COQ5: variants seen among roughly 807,000 people sequenced by gnomAD.
The protein encoded by COQ5 is 2-methoxy-6-polyprenyl-1,4-benzoquinol methylase, mitochondrial.
Under a neutral mutation model 40.5 loss-of-function variants are expected in COQ5, and 27 were observed. That is an observed-to-expected ratio of 0.67 (90% CI 0.49 to 0.92). The LOEUF is 0.92. Ranked by LOEUF, COQ5 falls within the 40% of genes least tolerant of loss-of-function variation. The pLI is 0.00. For missense variants in COQ5, 409 were observed against 406.4 expected, an observed-to-expected ratio of 1.01 and a Z score of -0.06; for synonymous variants, 141 against 150.0, an observed-to-expected ratio of 0.94 and a Z score of 0.44.
At chr12:120,504,152 G>A (rs1475516312) in intron 5 of COQ5, 71 bp from the exon 6 acceptor site, 3 of 968,326 alleles carry the variant, frequency 3.1e-6, no homozygotes, top group Admixed American at 1.7e-5. Flanking sequence ...TAAGAAGAAA[G>A]AAGGACTAAA....
chr12:120,511,982 C>A (rs1376675454), intron 3 of COQ5, among the ~76,000 whole-genome samples: 1 of 151,926 alleles, frequency 6.6e-6, no homozygotes, highest in African/African-American at 2.4e-5. Flanking sequence ...GAGGCCGAGG[C>A]GGGCAGATCA....
intron 1 of COQ5, among the ~76,000 whole-genome samples, chr12:120,524,427 A>AT (rs558341686): frequency 0.045 from 6,897 of 151,834 alleles, 263 homozygotes; most frequent in South Asian, 0.1. Flanking sequence ...CGCCCAGCTA[A>AT]TTTTTTGTAT....
At chr12:120,507,705 T>C (rs1053154576) in intron 4 of COQ5, among the ~76,000 whole-genome samples, 2 of 149,648 alleles carry the variant, frequency 1.3e-5, no homozygotes, top group Non-Finnish European at 3.0e-5. Context: ...CTGACCAACA[T>C]GGAGAAACTC....
intron 2 of COQ5, among the ~76,000 whole-genome samples, chr12:120,521,344 G>C (rs1869640335): frequency 6.6e-6 from 1 of 151,908 alleles, no homozygotes; most frequent in Non-Finnish European, 1.5e-5. Context: ...TGGGAGTACA[G>C]GTGTGAGCCG....
chr12:120,505,989 G>A (rs1868867628), intron 4 of COQ5, among the ~76,000 whole-genome samples: 2 of 151,554 alleles, frequency 1.3e-5, no homozygotes, highest in African/African-American at 2.4e-5. Context: ...CCAGGTAGCT[G>A]GGATTACAGG....
intron 1 of COQ5, chr12:120,527,326 C>T (rs1373948539): frequency 6.6e-6 from 1 of 152,082 alleles, no homozygotes. Flanking sequence ...CTTCAAGTGC[C>T]TACCTCGGCC....
chr12:120,504,400 TGATTTA>T (rs1453231773), intron 5 of COQ5, among the ~76,000 whole-genome samples: 1 of 146,426 alleles, frequency 6.8e-6, no homozygotes, highest in Non-Finnish European at 1.5e-5. Flanking sequence ...GAAAATTTCC[TGATTTA>T]AATTTTTTTT....
intron 1 of COQ5, among the ~76,000 whole-genome samples, chr12:120,525,031 G>A (rs1051132908): frequency 1.3e-5 from 2 of 150,852 alleles, no homozygotes; most frequent in Admixed American, 6.6e-5. Context: ...GGATAGTCTC[G>A]ATCTCCTAAC....
At chr12:120,522,018 C>T (rs148138778) in intron 2 of COQ5, among the ~76,000 whole-genome samples, 196 bp downstream of exon 2, 302 of 152,076 alleles carry the variant, frequency 2.0e-3, no homozygotes, top group Non-Finnish European at 3.1e-3. Context: ...AAGTGACAGG[C>T]ACAAAACTGT....
chr12:120,516,464 T>C, intron 3 of COQ5, 103 bp downstream of exon 3: 6 of 1,028,170 alleles, frequency 5.8e-6, no homozygotes, highest in Non-Finnish European at 9.2e-6. Flanking sequence ...CATCTATAAG[T>C]TTCTGAAAGC....
intron 5 of COQ5, 120 bp downstream of exon 5, chr12:120,504,775 G>A (rs1436640144): frequency 5.9e-6 from 5 of 849,488 alleles, no homozygotes; most frequent in Non-Finnish European, 9.9e-6. Context: ...AGAACTGGCT[G>A]ACCTCTGGTA....
At chr12:120,511,916 A>C (rs535215456) in intron 3 of COQ5, among the ~76,000 whole-genome samples, 16 of 152,346 alleles carry the variant, frequency 1.1e-4, no homozygotes, top group African/African-American at 3.6e-4. Context: ...AATAGCATAA[A>C]AAATAATGAT....
At chr12:120,504,764 C>T (rs1174386907) in intron 5 of COQ5, 131 bp downstream of exon 5, 1 of 786,850 alleles carries the variant, frequency 1.3e-6, no homozygotes, top group African/African-American at 1.7e-5. Context: ...TATTGTCATT[C>T]AGAACTGGCT....
intron 2 of COQ5, among the ~76,000 whole-genome samples, chr12:120,519,669 A>G (rs541416199): frequency 6.9e-4 from 105 of 152,232 alleles, no homozygotes; most frequent in South Asian, 2.1e-3. Context: ...CTGGGAGTTC[A>G]AGACCAGCCT....
At position 120,522,315 on chromosome 12, in the gene COQ5, T is replaced by G; in HGVS notation, c.251A>C (p.Asp84Ala). ...ACGATGGATACCAAGACTCATCATA[T>G]CATTCATCACATCATACTTCTTAGC... ...SVAKKYDVMN[D>A]MMSLGIHRVW... Residue 84 changes from aspartate (D) to alanine (A), a missense_variant, in exon 2 of 7, where the codon GAT (aspartate) becomes GCT (alanine). By Grantham distance (126) the Asp-to-Ala change is moderately radical (BLOSUM62 -2). Coordinates refer to ENST00000288532, the MANE Select transcript of COQ5 (RefSeq NM_032314.4). 7 of 1,613,746 alleles carry G rather than the reference T, an allele frequency of 4.3e-6. No homozygotes were observed. Among genetic ancestry groups the G allele is most frequent in the Non-Finnish European group, 5.9e-6 (7 of 1,179,700 alleles).
chr12:120,507,505 C>T (rs758173700), intron 4 of COQ5, among the ~76,000 whole-genome samples: 3 of 148,702 alleles, frequency 2.0e-5, no homozygotes, highest in East Asian at 2.1e-4. Flanking sequence ...AGGCTGGTCT[C>T]GAACTCCTGA....
intron 3 of COQ5, among the ~76,000 whole-genome samples, chr12:120,515,992 T>G (rs1055879552): frequency 2.0e-5 from 3 of 152,180 alleles, no homozygotes; most frequent in Admixed American, 6.6e-5. Flanking sequence ...GGTGCAATCA[T>G]AGCTCACTGC....
chr12:120,522,630 C>T (rs1383639453), intron 1 of COQ5: 1 of 652,304 alleles, frequency 1.5e-6, no homozygotes. Context: ...CACACCAGTC[C>T]TTCTGTCCTC....
At chr12:120,517,573 T>G (rs1869438454) in intron 2 of COQ5, among the ~76,000 whole-genome samples, 1 of 148,152 alleles carries the variant, frequency 6.7e-6, no homozygotes, top group South Asian at 2.1e-4. Flanking sequence ...TCCCAGCTAC[T>G]CAGGAGGCTG....
Sources: gnomAD v4.1 joint callset for allele counts (sites outside exome capture counted in the v4.1 genomes callset) on GRCh38, gnomAD v4.1.1 for gene constraint, MANE v1.5 for transcripts, NCBI Gene and HGNC (gene_info 2026-07-23, HGNC 2026-07-21) for gene names.